DDX60L: variants seen among roughly 807,000 people sequenced by gnomAD.
The protein encoded by DDX60L is probable ATP-dependent RNA helicase DDX60-like.
Under a neutral mutation model 211.6 loss-of-function variants are expected in DDX60L, and 191 were observed. That is an observed-to-expected ratio of 0.90 (90% CI 0.80 to 1.02). DDX60L has a LOEUF of 1.02. Among genes scored for constraint, DDX60L ranks in the 50% least tolerant of loss-of-function variants. The pLI is 0.00. For missense variants in DDX60L, 2,007 were observed against 1,984.1 expected (o/e 1.01, Z -0.22); for synonymous variants, 706 against 694.1 (o/e 1.02, Z -0.27).
At chr4:168,451,909 C>T (rs1579750058) in intron 8 of DDX60L, among the ~76,000 whole-genome samples, 1 of 152,170 alleles carries the variant, frequency 6.6e-6, no homozygotes, top group East Asian at 1.9e-4. Flanking sequence ...ACTACTCATC[C>T]TTCAGACCAT....
At chr4:168,361,244 A>T (rs546518275) in intron 36 of DDX60L, 33 bp from the exon 37 acceptor site, 1 of 1,389,754 alleles carries the variant, frequency 7.2e-7, no homozygotes, top group African/African-American at 1.4e-5. Context: ...ATTAAAAAGT[A>T]TAAAAACATA....
chr4:168,463,402 T>C (rs907741305), intron 4 of DDX60L, among the ~76,000 whole-genome samples: 2 of 152,040 alleles, frequency 1.3e-5, no homozygotes, highest in African/African-American at 4.8e-5. Flanking sequence ...CATGGACACA[T>C]ACAGGAAAAC....
chr4:168,375,669 G>A, intron 33 of DDX60L, 145 bp from the exon 34 acceptor site: 1 of 795,522 alleles, frequency 1.3e-6, no homozygotes, highest in Non-Finnish European at 1.8e-6. Context: ...TGAGATTAAG[G>A]TAAAATTTCC....
At chr4:168,390,101 C>T (rs750055821) in intron 29 of DDX60L, 4 of 981,248 alleles carry the variant, frequency 4.1e-6, no homozygotes, top group African/African-American at 1.7e-5. Flanking sequence ...AAAATCCATT[C>T]ACAGAGAAAG....
chr4:168,463,736 A>G (rs1244893268), intron 4 of DDX60L, among the ~76,000 whole-genome samples: 1 of 152,184 alleles, frequency 6.6e-6, no homozygotes, highest in Non-Finnish European at 1.5e-5. Flanking sequence ...CCCACCCCAA[A>G]AAAATCCTAT....
intron 22 of DDX60L, among the ~76,000 whole-genome samples, chr4:168,410,868 A>T (rs1157016510): frequency 6.6e-6 from 1 of 152,212 alleles, no homozygotes; most frequent in African/African-American, 2.4e-5. Flanking sequence ...CTGCCAATAC[A>T]GTTGTGGCAG....
Position 168,423,780 on chromosome 4 carries a change from TA to T in DDX60L, c.1931-7del. The T allele has an allele frequency of 6.5e-7, 1 of 1,548,978 alleles. No individual in the cohort carries two copies. Among genetic ancestry groups the T allele is most frequent in the Admixed American group, 2.2e-5 (1 of 46,104 alleles). On this transcript the variant is annotated splice_region_variant and splice_polypyrimidine_tract_variant and intron_variant, in intron 14 of 37. Transcript: ENST00000682922. ...TAAATCTTTCGAAATTTTGCCTTGT[TA>T]AAGAAACAATAAAATTGTTATAAAG... is the stretch of plus-strand genomic sequence containing the variant.
In DDX60L at chr4:168,427,325, G is replaced by A. The variant is rs74346802; in HGVS notation, c.1678-3C>T. The A allele has an allele frequency of 0.17, 271,136 of 1,605,620 alleles. 25,365 individuals are homozygous for A. Among genetic ancestry groups the A allele is most frequent in the Non-Finnish European group, 0.18 (215,088 of 1,175,688 alleles). The stretch of plus-strand genomic sequence containing the variant: ...GTAATTTGGTGGGGTTTGGTATTCT[G>A]CTCAATAATAAAAGGAACATATGAA... On this transcript the variant is annotated splice_region_variant and splice_polypyrimidine_tract_variant and intron_variant, in intron 13 of 37. Transcript: ENST00000682922.
In DDX60L at chr4:168,421,812, T is replaced by G; in HGVS notation, c.2342A>C (p.Lys781Thr). The change falls in exon 17 of 38, where the codon AAA becomes ACA. Residue 781 changes from lysine (K) to threonine (T), a missense_variant. Transcript: ENST00000682922. Reference protein sequence around the residue: ...KTYASYYCMEKVLRESDVGVV... With the variant: ...KTYASYYCMETVLRESDVGVV... The stretch of plus-strand genomic sequence containing the variant: ...CCCGACATCGCTCTCCCTCAGCACT[T>G]TCTCCATGCAGTAGTAGGAAGCATA... The G allele has an allele frequency of 6.2e-7, 1 of 1,614,206 alleles. No homozygotes were observed. The highest frequency in any genetic ancestry group is 8.5e-7 in the Non-Finnish European group (1 of 1,180,030).
intron 10 of DDX60L, among the ~76,000 whole-genome samples, chr4:168,436,932 G>C (rs1176238949): frequency 6.6e-6 from 1 of 152,150 alleles, no homozygotes; most frequent in Admixed American, 6.5e-5. Context: ...GATTTATCCT[G>C]ATTCTCCAGG....
At position 168,391,236 on chromosome 4, in the gene DDX60L, A is replaced by G. The variant is rs372132845; in HGVS notation, c.3915+304T>C. Reference sequence around the variant, plus strand: ...TCCCGGAAAAATAAAATAAAGGAGCACTATAAAGGATCAAGAATCAGAACA... The same window carrying G: ...TCCCGGAAAAATAAAATAAAGGAGCGCTATAAAGGATCAAGAATCAGAACA... On this transcript the variant is annotated intron_variant, in intron 29 of 37. Transcript: ENST00000682922. Among the ~76,000 whole-genome samples, 6 of 152,350 alleles carry G rather than the reference A, an allele frequency of 3.9e-5. No homozygotes were observed. In the South Asian group the frequency reaches 1.0e-3, roughly 26 times the overall value.
chr4:168,479,092 G>A (rs1163419690), intron 1 of DDX60L, among the ~76,000 whole-genome samples: 1 of 151,576 alleles, frequency 6.6e-6, no homozygotes, highest in Non-Finnish European at 1.5e-5. Context: ...ATGATGGATC[G>A]ATGGATGGAC....
At chr4:168,432,912 CTGATA>C (rs1312627408) in intron 11 of DDX60L, 93 bp downstream of exon 11, 2 of 673,714 alleles carry the variant, frequency 3.0e-6, no homozygotes, top group South Asian at 4.8e-5. Flanking sequence ...TTACCATATC[CTGATA>C]TGATATATTA....
At position 168,406,098 on chromosome 4, in the gene DDX60L, C is replaced by G; in HGVS notation, c.3085-20G>C. 1 of 1,583,244 alleles carries G rather than the reference C, an allele frequency of 6.3e-7. No individual in the cohort carries two copies. The highest frequency in any genetic ancestry group is 8.6e-7 in the Non-Finnish European group (1 of 1,169,488). On this transcript the variant is annotated intron_variant, in intron 23 of 37. Transcript: ENST00000682922. Reference sequence around the variant, plus strand: ...CAATTCCTTGGGGGGAAAATTATCACAAAATTAAGCTAAGCTATGCAATCT... The same window carrying G: ...CAATTCCTTGGGGGGAAAATTATCAGAAAATTAAGCTAAGCTATGCAATCT...
chr4:168,399,486 G>A (rs1746415574), intron 26 of DDX60L, among the ~76,000 whole-genome samples: 3 of 152,206 alleles, frequency 2.0e-5, no homozygotes, highest in Admixed American at 6.5e-5. Context: ...ATGCCTGGCT[G>A]TGTGCAGCAA....
intron 30 of DDX60L, among the ~76,000 whole-genome samples, chr4:168,381,576 C>T (rs57050626): frequency 0.24 from 15,015 of 61,554 alleles, 1,083 homozygotes; most frequent in South Asian, 0.43. Context: ...TAAACACTAT[C>T]AATTTTTTTT....
At chr4:168,363,083 C>A (rs950718962) in intron 36 of DDX60L, among the ~76,000 whole-genome samples, 1 of 152,128 alleles carries the variant, frequency 6.6e-6, no homozygotes, top group Non-Finnish European at 1.5e-5. Context: ...TCACACATAA[C>A]GGAATCCTCA....
At chr4:168,454,233 T>G (rs957039432) in intron 7 of DDX60L, among the ~76,000 whole-genome samples, 1 of 152,214 alleles carries the variant, frequency 6.6e-6, no homozygotes, top group Non-Finnish European at 1.5e-5. Flanking sequence ...TCTTCAAAAT[T>G]TAAGTATTCA....
intron 4 of DDX60L, chr4:168,469,834 C>A (rs1016484559): frequency 1.3e-5 from 2 of 152,152 alleles, no homozygotes; most frequent in Non-Finnish European, 1.5e-5. Flanking sequence ...GCCAAGATTG[C>A]GCCACTGCAC....
Sources: gnomAD v4.1 joint callset for allele counts (sites outside exome capture counted in the v4.1 genomes callset) on GRCh38, gnomAD v4.1.1 for gene constraint, MANE v1.5 for transcripts, NCBI Gene and HGNC (gene_info 2026-07-23, HGNC 2026-07-21) for gene names.